SND1: variants seen among roughly 807,000 people sequenced by gnomAD.
The protein encoded by SND1 is staphylococcal nuclease and tudor domain containing 1.
In SND1, 38 loss-of-function variants were observed where a neutral mutation model predicts 121.7. The observed-to-expected ratio is 0.31, with a 90% confidence interval of 0.24 to 0.41. The LOEUF (loss-of-function observed/expected upper bound fraction) is 0.41, where lower values mean the gene tolerates loss of function less well. SND1 is among the 10% of genes least tolerant of loss of function. The pLI is 1.00. For synonymous variants in SND1, 401 were observed against 447.4 expected (o/e 0.90, Z 1.31); for missense variants, 868 against 1,184.6 (o/e 0.73, Z 3.92).
At chr7:128,062,318 G>C (rs955888689) in intron 16 of SND1, among the ~76,000 whole-genome samples, 9 of 152,170 alleles carry the variant, frequency 5.9e-5, no homozygotes, top group Non-Finnish European at 1.2e-4. Context: ...AGGTAGGAGT[G>C]AGTTATGTAC....
chr7:127,841,618 A>G (rs1798966959), intron 11 of SND1, among the ~76,000 whole-genome samples: 1 of 152,168 alleles, frequency 6.6e-6, no homozygotes. Flanking sequence ...ATTAGCATCA[A>G]GACCACTTCT....
intron 16 of SND1, among the ~76,000 whole-genome samples, chr7:128,068,091 G>C (rs1793348076): frequency 6.6e-6 from 1 of 152,098 alleles, no homozygotes; most frequent in African/African-American, 2.4e-5. Context: ...CGCCTACTTG[G>C]AAGCACTAGG....
intron 10 of SND1, among the ~76,000 whole-genome samples, chr7:127,800,778 C>T (rs952906522): frequency 6.6e-6 from 1 of 152,192 alleles, no homozygotes; most frequent in African/African-American, 2.4e-5. Flanking sequence ...TACTTGTCCT[C>T]AACCCCATTT....
intron 15 of SND1, among the ~76,000 whole-genome samples, chr7:127,960,377 C>T (rs771882954): frequency 1.3e-5 from 2 of 152,174 alleles, no homozygotes; most frequent in Non-Finnish European, 2.9e-5. Context: ...TTGCCACAAC[C>T]AAAAATGACA....
chr7:127,669,416 A>G (rs1028516651), intron 1 of SND1, among the ~76,000 whole-genome samples: 1 of 152,146 alleles, frequency 6.6e-6, no homozygotes, highest in Non-Finnish European at 1.5e-5. Flanking sequence ...TCTGTTCTCA[A>G]CCAAAACCAC....
chr7:127,857,308 T>G (rs1799295180), intron 12 of SND1, among the ~76,000 whole-genome samples: 1 of 137,496 alleles, frequency 7.3e-6, no homozygotes. Flanking sequence ...TTCTCCTGCC[T>G]CAACCTCCCG....
intron 12 of SND1, among the ~76,000 whole-genome samples, chr7:127,887,279 G>T (rs1439856990): frequency 6.6e-6 from 1 of 152,078 alleles, no homozygotes; most frequent in Non-Finnish European, 1.5e-5. Context: ...TCATAGGCAT[G>T]AGCCACAGCA....
At chr7:127,872,611 C>T (rs1206008337) in intron 12 of SND1, among the ~76,000 whole-genome samples, 10 of 140,406 alleles carry the variant, frequency 7.1e-5, no homozygotes, top group African/African-American at 2.7e-4. Context: ...TTACATTAGA[C>T]CTTTTTTAAC....
chr7:127,933,337 G>A (rs116927108), intron 15 of SND1, among the ~76,000 whole-genome samples: 1 of 152,326 alleles, frequency 6.6e-6, no homozygotes, highest in African/African-American at 2.4e-5. Flanking sequence ...AACTTACATT[G>A]TGAAAGATAG....
intron 15 of SND1, among the ~76,000 whole-genome samples, chr7:127,938,130 A>C (rs566561247): frequency 1.3e-5 from 2 of 152,362 alleles, no homozygotes; most frequent in African/African-American, 4.8e-5. Context: ...GCAGCTTAAC[A>C]TGAGACTTTC....
chr7:128,083,987 A>C lies in SND1; in HGVS notation c.2111-737A>C, dbSNP rs192100903. On this transcript the variant is annotated intron_variant, in intron 18 of 23. Coordinates refer to ENST00000354725, the MANE Select transcript of SND1 (RefSeq NM_014390.4). ...ACCCAAGGTCAGAGTGCTTAGGGAA[A>C]GACAAGGCAGGGAATCCCTCCTCCT... Among the ~76,000 whole-genome samples the C allele has an allele frequency of 7.9e-3, 1,202 of 152,300 alleles. 17 individuals carry two copies. Among genetic ancestry groups the C allele is most frequent in the African/African-American group, 0.027 (1,124 of 41,550 alleles).
intron 1 of SND1, among the ~76,000 whole-genome samples, chr7:127,665,210 G>A (rs754144101): frequency 2.7e-5 from 4 of 149,360 alleles, no homozygotes; most frequent in African/African-American, 9.9e-5. Flanking sequence ...TTTTTGAGAC[G>A]GAGTCTCACT....
intron 15 of SND1, among the ~76,000 whole-genome samples, chr7:127,970,706 T>A (rs1277692324): frequency 6.6e-6 from 1 of 152,226 alleles, no homozygotes; most frequent in African/African-American, 2.4e-5. Context: ...TTTATCTTGG[T>A]AACTTTAACC....
intron 12 of SND1, among the ~76,000 whole-genome samples, chr7:127,878,455 G>T (rs777042369): frequency 6.6e-6 from 1 of 152,196 alleles, no homozygotes; most frequent in East Asian, 1.9e-4. Context: ...CTGGTGGGTT[G>T]TCAAAGGTTA....
chr7:127,703,859 C>T (rs1796146101), intron 7 of SND1, among the ~76,000 whole-genome samples: 1 of 152,146 alleles, frequency 6.6e-6, no homozygotes, highest in Admixed American at 6.5e-5. Flanking sequence ...AGAAGAGGAA[C>T]TTGATCACAT....
chr7:128,069,480 C>T (rs1489272050), intron 16 of SND1, among the ~76,000 whole-genome samples: 1 of 152,170 alleles, frequency 6.6e-6, no homozygotes, highest in Non-Finnish European at 1.5e-5. Context: ...TGATATCTGA[C>T]TCCAGAATCC....
Position 127,781,412 on chromosome 7 carries a change from T to C in SND1, c.1153-26072T>C, listed in dbSNP as rs911452771. Among the ~76,000 whole-genome samples the C allele has an allele frequency of 4.1e-4, 62 of 152,180 alleles. 1 individual carries two copies. The highest frequency in any genetic ancestry group is 8.8e-5 in the Non-Finnish European group (6 of 68,036). On this transcript the variant is annotated intron_variant, in intron 10 of 23. Transcript: ENST00000354725. ...CCTTCATTATACTAATATATATAATTGAACACAGAATTCATCGAGAAAAAT... is the reference window on the plus strand; with the variant it reads ...CCTTCATTATACTAATATATATAATCGAACACAGAATTCATCGAGAAAAAT...
At chr7:127,899,980 C>T (rs985530337) in intron 13 of SND1, among the ~76,000 whole-genome samples, 1 of 152,204 alleles carries the variant, frequency 6.6e-6, no homozygotes, top group African/African-American at 2.4e-5. Flanking sequence ...GTCCTAATCT[C>T]TCTCAGCTCT....
chr7:127,663,681 G>A (rs1254961445), intron 1 of SND1, among the ~76,000 whole-genome samples: 1 of 152,074 alleles, frequency 6.6e-6, no homozygotes, highest in Admixed American at 6.5e-5. Context: ...TGGCCTTACT[G>A]TACTTCTTAA....
Sources: gnomAD v4.1 joint callset for allele counts (sites outside exome capture counted in the v4.1 genomes callset) on GRCh38, gnomAD v4.1.1 for gene constraint, MANE v1.5 for transcripts, NCBI Gene and HGNC (gene_info 2026-07-23, HGNC 2026-07-21) for gene names.